Variants in SH3GL3 observed in about 807,000 individuals in gnomAD.
SH3GL3 encodes endophilin-A3.
Under a neutral mutation model 47.7 loss-of-function variants are expected in SH3GL3, and 33 were observed. That is an observed-to-expected ratio of 0.69 (90% CI 0.52 to 0.92). The LOEUF is 0.92. Ranked by LOEUF, SH3GL3 falls within the 40% of genes least tolerant of loss-of-function variation. The pLI is 0.00. For missense variants in SH3GL3, 363 were observed against 417.8 expected (o/e 0.87, Z 1.14); for synonymous variants, 155 against 148.8 (o/e 1.04, Z -0.30).
chr15:83,600,543 G>T (rs961250964), intron 8 of SH3GL3, among the ~76,000 whole-genome samples: 7 of 152,110 alleles, frequency 4.6e-5, no homozygotes, highest in African/African-American at 7.2e-5. Flanking sequence ...TGTTCCATTG[G>T]TCTATGTGCC....
At chr15:83,489,646 G>C (rs376608881) in intron 1 of SH3GL3, among the ~76,000 whole-genome samples, 4 of 152,190 alleles carry the variant, frequency 2.6e-5, no homozygotes, top group African/African-American at 9.7e-5. Flanking sequence ...GCCTGCTTCT[G>C]CTTTGTGATC....
At chr15:83,576,797 T>C in intron 6 of SH3GL3, 56 bp downstream of exon 6, 3 of 1,250,030 alleles carry the variant, frequency 2.4e-6, no homozygotes, top group Non-Finnish European at 3.4e-6. Context: ...ACATTGAATA[T>C]ATGACTATGA....
At chr15:83,580,915 T>G (rs2059812702) in intron 6 of SH3GL3, among the ~76,000 whole-genome samples, 1 of 152,174 alleles carries the variant, frequency 6.6e-6, no homozygotes, top group Admixed American at 6.5e-5. Context: ...CGAGAGGACT[T>G]AGAAGCATTC....
intron 1 of SH3GL3, among the ~76,000 whole-genome samples, chr15:83,538,773 A>T (rs1488566951): frequency 6.6e-6 from 1 of 152,144 alleles, no homozygotes; most frequent in African/African-American, 2.4e-5. Context: ...TTATTAATTA[A>T]TATGGGCATT....
rs1192226880 is a variant in SH3GL3 at position 83,591,006 on chromosome 15, CTTTTCT to C, written c.838+2246_838+2251del. ...CCTAGCCCTAAATAATAAATATTTT[CTTTTCT>C]TTTTCTTTTTTTTGAGACAGAGTCT... On this transcript the variant is annotated intron_variant, in intron 8 of 8. Transcript: ENST00000427482. Among the ~76,000 whole-genome samples the C allele has an allele frequency of 4.4e-4, 67 of 152,090 alleles. 1 individual carries two copies. The highest frequency in any genetic ancestry group is 1.5e-3 in the African/African-American group (63 of 41,524).
chr15:83,472,193 G>C (rs1041159500), intron 1 of SH3GL3, among the ~76,000 whole-genome samples: 5 of 152,166 alleles, frequency 3.3e-5, no homozygotes, highest in African/African-American at 1.2e-4. Flanking sequence ...TGGATTTCTT[G>C]CTTTATCCTG....
chr15:83,599,233 G>A (rs1478079457), intron 8 of SH3GL3, among the ~76,000 whole-genome samples: 1 of 152,072 alleles, frequency 6.6e-6, no homozygotes, highest in Admixed American at 6.6e-5. Flanking sequence ...TGAGGAACAG[G>A]TGGTATTTGG....
chr15:83,493,638 C>T (rs1000139968), intron 1 of SH3GL3, among the ~76,000 whole-genome samples: 4 of 152,162 alleles, frequency 2.6e-5, no homozygotes, highest in African/African-American at 9.7e-5. Context: ...TACCTGAGTT[C>T]TTAAATTCCA....
At chr15:83,569,950 C>A (rs2045737109) in intron 4 of SH3GL3, among the ~76,000 whole-genome samples, 1 of 152,136 alleles carries the variant, frequency 6.6e-6, no homozygotes, top group South Asian at 2.1e-4. Context: ...CCCAGGTAAG[C>A]ATTTGCCTTC....
chr15:83,483,953 G>A (rs1040596567), intron 1 of SH3GL3, among the ~76,000 whole-genome samples: 50 of 152,290 alleles, frequency 3.3e-4, no homozygotes, highest in African/African-American at 1.2e-3. Flanking sequence ...GCCATTCCAG[G>A]GAGAATGTTG....
In SH3GL3 at chr15:83,510,739, G is replaced by T. The variant is rs191652722; in HGVS notation, c.46-48514G>T. Among the ~76,000 whole-genome samples, 89 of 152,096 alleles carry T rather than the reference G, an allele frequency of 5.9e-4. 1 individual carries two copies. Among genetic ancestry groups the T allele is most frequent in the African/African-American group, 2.0e-3 (85 of 41,490 alleles). On this transcript the variant is annotated intron_variant, in intron 1 of 8. Coordinates refer to ENST00000427482, the MANE Select transcript of SH3GL3 (RefSeq NM_003027.5). ...ATATACATGTAAAAGGGTCCATGAA[G>T]CAGCTATGTGGATCCTCAGATTTGA... is the stretch of plus-strand genomic sequence containing the variant.
chr15:83,456,005 G>T, intron 1 of SH3GL3, among the ~76,000 whole-genome samples: 1 of 63,218 alleles, frequency 1.6e-5, no homozygotes, highest in Non-Finnish European at 3.2e-5. Context: ...TGTCCTTTCT[G>T]GTTGTTAGTT....
chr15:83,591,843 G>C (rs1427313848), intron 8 of SH3GL3, among the ~76,000 whole-genome samples: 5 of 152,012 alleles, frequency 3.3e-5, no homozygotes, highest in Admixed American at 3.3e-4. Context: ...CCGATACCGT[G>C]CCTGGCTAAT....
chr15:83,481,814 T>C (rs141359963), intron 1 of SH3GL3, among the ~76,000 whole-genome samples: 1,737 of 152,326 alleles, frequency 0.011, 17 homozygotes, highest in Non-Finnish European at 0.015. Context: ...CAAGAGGCTG[T>C]GCTCTTGGAG....
intron 1 of SH3GL3, among the ~76,000 whole-genome samples, chr15:83,551,972 C>T: frequency 6.6e-6 from 1 of 152,196 alleles, no homozygotes. Context: ...CCCTGGTGAA[C>T]TCCATATATC....
chr15:83,602,425 G>T (rs1460085397), intron 8 of SH3GL3, among the ~76,000 whole-genome samples: 1 of 152,138 alleles, frequency 6.6e-6, no homozygotes, highest in Non-Finnish European at 1.5e-5. Flanking sequence ...CCTGGTAGAG[G>T]CCATTCCTCA....
At chr15:83,608,052 C>G (rs1056571337) in intron 8 of SH3GL3, among the ~76,000 whole-genome samples, 2 of 151,992 alleles carry the variant, frequency 1.3e-5, no homozygotes, top group South Asian at 4.2e-4. Flanking sequence ...GAGGGCAAAA[C>G]TTTATTAGTT....
intron 1 of SH3GL3, among the ~76,000 whole-genome samples, chr15:83,552,007 T>G (rs1272714419): frequency 6.6e-6 from 1 of 152,236 alleles, no homozygotes; most frequent in Non-Finnish European, 1.5e-5. Flanking sequence ...TCTGGAACTT[T>G]CTTGGCACCT....
intron 8 of SH3GL3, among the ~76,000 whole-genome samples, chr15:83,595,618 GTTTT>G (rs33947427): frequency 1.4e-5 from 2 of 144,196 alleles, no homozygotes; most frequent in Non-Finnish European, 1.5e-5. Context: ...GTTACTCCTT[GTTTT>G]TTTTTTTTTT....
Sources: gnomAD v4.1 joint callset for allele counts (sites outside exome capture counted in the v4.1 genomes callset) on GRCh38, gnomAD v4.1.1 for gene constraint, MANE v1.5 for transcripts, NCBI Gene and HGNC (gene_info 2026-07-23, HGNC 2026-07-21) for gene names.